Variants in EPHA6 observed in about 807,000 individuals in gnomAD.
The protein encoded by EPHA6 is ephrin type-A receptor 6.
A neutral mutation model predicts 112.0 loss-of-function variants in EPHA6; 50 were observed. The observed-to-expected ratio is 0.45, with a 90% confidence interval of 0.36 to 0.56. The LOEUF (loss-of-function observed/expected upper bound fraction) is 0.56, where lower values mean the gene tolerates loss of function less well. EPHA6 is among the 20% of genes least tolerant of loss of function. The pLI is 0.00. For synonymous variants in EPHA6, 529 were observed against 490.7 expected (o/e 1.08, Z -1.03); for missense variants, 1,280 against 1,417.4 (o/e 0.90, Z 1.56).
At chr3:97,366,089 T>G (rs907931595) in intron 5 of EPHA6, among the ~76,000 whole-genome samples, 1 of 152,180 alleles carries the variant, frequency 6.6e-6, no homozygotes, top group Non-Finnish European at 1.5e-5. Context: ...CTGAGAAAAT[T>G]CTGTACGGTA....
At chr3:97,287,693 T>C (rs564770284) in intron 5 of EPHA6, among the ~76,000 whole-genome samples, 1 of 152,332 alleles carries the variant, frequency 6.6e-6, no homozygotes, top group East Asian at 1.9e-4. Context: ...TTCATTCTAC[T>C]GATGTTATGC....
intron 3 of EPHA6, among the ~76,000 whole-genome samples, chr3:96,993,055 C>T (rs779087396): frequency 2.6e-5 from 4 of 152,130 alleles, no homozygotes; most frequent in Non-Finnish European, 4.4e-5. Context: ...CTGTGGAATG[C>T]TCTGTTTCTT....
rs145327378 is a variant in EPHA6, at chr3:96,878,252, G to A, written c.450+11363G>A. 2.4e-3 allele frequency among the ~76,000 whole-genome samples: 362 copies of A among 151,932 alleles called. 1 individual carries two copies. Among genetic ancestry groups the A allele is most frequent in the Non-Finnish European group, 3.8e-3 (261 of 67,898 alleles). On this transcript the variant is annotated intron_variant, in intron 2 of 17. Coordinates refer to ENST00000389672, the MANE Select transcript of EPHA6 (RefSeq NM_001080448.3). ...TTTGGATGACCATAAGCCCTAGTGG[G>A]AACAGAATTGGCAAGGCACATTAGA... is the stretch of plus-strand genomic sequence containing the variant.
At chr3:97,054,008 A>G (rs2045769898) in intron 3 of EPHA6, among the ~76,000 whole-genome samples, 1 of 152,066 alleles carries the variant, frequency 6.6e-6, no homozygotes, top group Non-Finnish European at 1.5e-5. Flanking sequence ...TTCTGTTATA[A>G]CACAGTGTCC....
At chr3:97,554,708 A>C (rs2093078093) in intron 11 of EPHA6, among the ~76,000 whole-genome samples, 1 of 151,976 alleles carries the variant, frequency 6.6e-6, no homozygotes, top group African/African-American at 2.4e-5. Flanking sequence ...CACTGCTTGC[A>C]GGTTACATTA....
intron 3 of EPHA6, among the ~76,000 whole-genome samples, chr3:97,190,747 T>TGGGA (rs1053064525): frequency 2.0e-5 from 3 of 151,956 alleles, no homozygotes; most frequent in Non-Finnish European, 2.9e-5. Context: ...GGGATAGCAT[T>TGGGA]GGGAGATATA....
chr3:97,666,197 T>G (rs1174782406), intron 14 of EPHA6, among the ~76,000 whole-genome samples: 2 of 152,210 alleles, frequency 1.3e-5, no homozygotes, highest in African/African-American at 2.4e-5. Flanking sequence ...ATGTTGCTGT[T>G]TATGTAGCAA....
chr3:97,712,193 A>C lies in EPHA6; in HGVS notation c.2785-8068A>C, dbSNP rs373999639. ...TGTGTTAATTTCCATAGTTCTTTGC[A>C]ATAAATACTACAAATAAGAAACTTT... On this transcript the variant is annotated intron_variant, in intron 14 of 17. Transcript: ENST00000389672. Among the ~76,000 whole-genome samples the C allele has an allele frequency of 8.5e-5, 13 of 152,314 alleles. No individual in the cohort carries two copies. In the South Asian group the frequency reaches 2.5e-3, roughly 29 times the overall value.
At chr3:97,644,156 A>C (rs908730187) in intron 14 of EPHA6, among the ~76,000 whole-genome samples, 5 of 152,108 alleles carry the variant, frequency 3.3e-5, no homozygotes, top group Non-Finnish European at 7.3e-5. Flanking sequence ...GCTCAACTAC[A>C]TGGAAACTGA....
chr3:97,005,528 G>C (rs2043844196), intron 3 of EPHA6, among the ~76,000 whole-genome samples: 1 of 152,138 alleles, frequency 6.6e-6, no homozygotes, highest in Non-Finnish European at 1.5e-5. Context: ...TGAAATGATG[G>C]AGTTTTCTAA....
At chr3:97,493,419 G>A (rs1033032588) in intron 10 of EPHA6, among the ~76,000 whole-genome samples, 1 of 152,110 alleles carries the variant, frequency 6.6e-6, no homozygotes, top group South Asian at 2.1e-4. Context: ...CTTCTGGATC[G>A]CAGAGATCCA....
At position 97,244,022 on chromosome 3, in the gene EPHA6, A is replaced by T; in HGVS notation, c.1341A>T (p.Pro447=). 1 of 1,612,540 alleles carries T rather than the reference A, an allele frequency of 6.2e-7. No individual in the cohort carries two copies. Among genetic ancestry groups the T allele is most frequent in the Non-Finnish European group, 8.5e-7 (1 of 1,179,120 alleles). Residue 447 remains proline (P), a synonymous_variant, in exon 5 of 18, where the codon CCA becomes CCT. Transcript: ENST00000389672. The stretch of plus-strand genomic sequence containing the variant: ...CAGCCCTTATTTTGGAATGGAGCCC[A>T]CCAAGTGACACAGGAGGGAGAAAAG... The part of the protein sequence containing the change: ...NETALILEWS[P]PSDTGGRKDL...
At chr3:97,659,985 A>G (rs2094159479) in intron 14 of EPHA6, among the ~76,000 whole-genome samples, 1 of 152,044 alleles carries the variant, frequency 6.6e-6, no homozygotes. Context: ...AACTATTCGT[A>G]GATGGGTATT....
intron 4 of EPHA6, among the ~76,000 whole-genome samples, chr3:97,230,698 T>C (rs1283726010): frequency 6.6e-6 from 1 of 152,136 alleles, no homozygotes; most frequent in Non-Finnish European, 1.5e-5. Flanking sequence ...CGTGTATACA[T>C]TGGACATACC....
Position 97,226,285 on chromosome 3 carries a change from A to G in EPHA6, c.1136A>G (p.Lys379Arg). ...SCHACRPGFY[K>R]AFAGNTKCSK... is the part of the protein sequence containing the mutation. ...ACAGCTTGCAGACCAGGATTCTATA[A>G]AGCTTTTGCTGGGAACACAAAATGT... The change falls in exon 4 of 18, where the codon AAA becomes AGA. Residue 379 changes from lysine (K) to arginine (R), a missense_variant. This residue lies in a region of EPHA6 where 878 missense variants were observed against 999.7 expected (regional missense o/e 0.88). Transcript: ENST00000389672. 6.2e-7 allele frequency: 1 copy of G among 1,609,678 alleles called. No individual in the cohort carries two copies. The highest frequency in any genetic ancestry group is 8.5e-7 in the Non-Finnish European group (1 of 1,178,730).
chr3:97,542,849 T>C (rs1015100746), intron 11 of EPHA6, among the ~76,000 whole-genome samples: 4 of 152,268 alleles, frequency 2.6e-5, no homozygotes, highest in Admixed American at 6.5e-5. Flanking sequence ...TGGCCAGTGA[T>C]GATGAGCATT....
Position 97,244,246 on chromosome 3 carries a change from C to A in EPHA6, c.1565C>A (p.Pro522His). 1.9e-6 allele frequency: 3 copies of A among 1,613,222 alleles called. No homozygotes were observed. Among genetic ancestry groups the A allele is most frequent in the Non-Finnish European group, 2.5e-6 (3 of 1,179,418 alleles). ...MNGVSELSFS[P>H]KPFTAITVTT... ...GGAGTTTCTGAGTTGAGTTTTTCTC[C>A]CAAGCCATTCACAGCTATTACAGTG... The change falls in exon 5 of 18, where the codon CCC becomes CAC. Residue 522 changes from proline to histidine, a missense_variant. Around this residue, in one of 4 missense-constraint regions of EPHA6, gnomAD observed 878 missense variants for 999.7 expected, o/e 0.88. Transcript: ENST00000389672.
intron 5 of EPHA6, among the ~76,000 whole-genome samples, chr3:97,330,264 T>G (rs1022476541): frequency 4.6e-5 from 7 of 152,204 alleles, no homozygotes; most frequent in African/African-American, 1.4e-4. Flanking sequence ...TGCCTCCAGC[T>G]TTGTTCTTTA....
At chr3:97,300,272 T>C (rs534097762) in intron 5 of EPHA6, among the ~76,000 whole-genome samples, 2 of 152,208 alleles carry the variant, frequency 1.3e-5, no homozygotes, top group Non-Finnish European at 2.9e-5. Flanking sequence ...CTTCAATACT[T>C]GAAGTTACGT....
Sources: gnomAD v4.1 joint callset for allele counts (sites outside exome capture counted in the v4.1 genomes callset) on GRCh38, gnomAD v4.1.1 for gene constraint, gnomAD v4.1.1 regional missense constraint, MANE v1.5 for transcripts, NCBI Gene and HGNC (gene_info 2026-07-23, HGNC 2026-07-21) for gene names.